The following CSNK2A2IP variants were observed in gnomAD, a reference collection of about 807,000 sequenced individuals.
CSNK2A2IP encodes casein kinase II subunit alpha'-interacting protein.
the CSNK2A2IP span, among the ~76,000 whole-genome samples, chr3:88,445,944 TTCTC>T: frequency 3.2e-4 from 44 of 136,828 alleles, no homozygotes; most frequent in South Asian, 1.0e-3. Context: ...CTTTCTTTCT[TTCTC>T]TCTCTCTCTC....
chr3:88,377,849 T>A, the CSNK2A2IP span, among the ~76,000 whole-genome samples: 1 of 151,918 alleles, frequency 6.6e-6, no homozygotes, highest in African/African-American at 2.4e-5. Flanking sequence ...GAAAAGACTC[T>A]TTAGGTCTAC....
the CSNK2A2IP span, among the ~76,000 whole-genome samples, chr3:88,452,764 T>C: frequency 6.6e-6 from 1 of 152,140 alleles, no homozygotes; most frequent in Admixed American, 6.6e-5. Context: ...TTACTTTTTT[T>C]CAGGGAATAA....
chr3:88,366,233 GT>G, the CSNK2A2IP span, among the ~76,000 whole-genome samples: 3 of 152,124 alleles, frequency 2.0e-5, no homozygotes, highest in East Asian at 3.9e-4. Context: ...TTTGTGGCCA[GT>G]TCCATGATTA....
chr3:88,383,660 T>C, the CSNK2A2IP span, among the ~76,000 whole-genome samples: 1 of 117,020 alleles, frequency 8.5e-6, no homozygotes, highest in African/African-American at 2.7e-5. Context: ...TCTTTTTTTT[T>C]TTTTTTTTTT....
At chr3:88,450,760 T>C in the CSNK2A2IP span, among the ~76,000 whole-genome samples, 439 of 152,170 alleles carry the variant, frequency 2.9e-3, 2 homozygotes, top group African/African-American at 9.9e-3. Flanking sequence ...CCTTCATCAA[T>C]GAGTAGGTCA....
chr3:88,342,955 T>C, the CSNK2A2IP span, among the ~76,000 whole-genome samples: 1 of 152,014 alleles, frequency 6.6e-6, no homozygotes, highest in South Asian at 2.1e-4. Context: ...GAATTTTAAA[T>C]ATTTACTATT....
the CSNK2A2IP span, among the ~76,000 whole-genome samples, chr3:88,434,802 A>T: frequency 0.36 from 54,740 of 152,046 alleles, 11,116 homozygotes; most frequent in Non-Finnish European, 0.47. Context: ...AACTATGATA[A>T]TTACTTTGAT....
At chr3:88,376,902 T>C in the CSNK2A2IP span, among the ~76,000 whole-genome samples, 1,526 of 151,960 alleles carry the variant, frequency 0.01, 15 homozygotes, top group Non-Finnish European at 0.014. Context: ...GTTGGTCTTT[T>C]CTTTTTTGCA....
the CSNK2A2IP span, among the ~76,000 whole-genome samples, chr3:88,408,677 T>A: frequency 6.6e-6 from 1 of 152,100 alleles, no homozygotes; most frequent in East Asian, 1.9e-4. Flanking sequence ...TCTAAATGTA[T>A]ATGTTCAAGA....
At chr3:88,416,195 T>C in the CSNK2A2IP span, among the ~76,000 whole-genome samples, 3 of 149,772 alleles carry the variant, frequency 2.0e-5, no homozygotes, top group East Asian at 5.9e-4. Flanking sequence ...AGCTTGAACC[T>C]GGGAGATGGA....
the CSNK2A2IP span, among the ~76,000 whole-genome samples, chr3:88,358,911 T>A: frequency 6.6e-6 from 1 of 152,106 alleles, no homozygotes. Context: ...GATTAGTATT[T>A]GTTCCACTTT....
the CSNK2A2IP span, among the ~76,000 whole-genome samples, chr3:88,431,868 T>A: frequency 1.3e-5 from 2 of 152,118 alleles, no homozygotes; most frequent in Admixed American, 6.5e-5. Context: ...ATATTGGTTA[T>A]ATGACTCAGG....
the CSNK2A2IP span, among the ~76,000 whole-genome samples, chr3:88,383,830 AT>A: frequency 1.3e-5 from 2 of 151,380 alleles, no homozygotes; most frequent in African/African-American, 2.4e-5. Context: ...CGCCCCGCTA[AT>A]TTTTTTGTAT....
the CSNK2A2IP span, among the ~76,000 whole-genome samples, chr3:88,373,468 T>G: frequency 4.4e-4 from 66 of 151,446 alleles, no homozygotes; most frequent in East Asian, 0.011. Context: ...TCAAATTTTT[T>G]GGGATATAAT....
the CSNK2A2IP span, among the ~76,000 whole-genome samples, chr3:88,353,704 A>G: frequency 0.44 from 66,648 of 152,022 alleles, 15,860 homozygotes; most frequent in South Asian, 0.62. Flanking sequence ...TTTCAATTAC[A>G]CTCTAATCAT....
chr3:88,408,566 AACTGTT>A, the CSNK2A2IP span, among the ~76,000 whole-genome samples: 2 of 152,188 alleles, frequency 1.3e-5, no homozygotes, highest in African/African-American at 2.4e-5. Flanking sequence ...AGGCTCTCAA[AACTGTT>A]ACTAACAGAA....
At chr3:88,423,105 G>A in the CSNK2A2IP span, among the ~76,000 whole-genome samples, 1 of 152,062 alleles carries the variant, frequency 6.6e-6, no homozygotes, top group Admixed American at 6.6e-5. Context: ...CAGTGTTTGA[G>A]GTTTTCTTAG....
chr3:88,399,651 C>A, the CSNK2A2IP span: 3 of 152,174 alleles, frequency 2.0e-5, no homozygotes, highest in Non-Finnish European at 2.9e-5. Flanking sequence ...GACTGGAGTA[C>A]GGCTTCCTAC....
At chr3:88,446,808 G>T in the CSNK2A2IP span, among the ~76,000 whole-genome samples, 1 of 152,140 alleles carries the variant, frequency 6.6e-6, no homozygotes. Flanking sequence ...ACAGAGAAGA[G>T]ACTCAAGCTT....
Sources: gnomAD v4.1 joint callset for allele counts (sites outside exome capture counted in the v4.1 genomes callset) on GRCh38, gnomAD v4.1.1 for gene constraint, MANE v1.5 for transcripts, NCBI Gene and HGNC (gene_info 2026-07-23, HGNC 2026-07-21) for gene names.